Variants in ADGRB3 observed in about 807,000 individuals in gnomAD.
ADGRB3 encodes adhesion G protein-coupled receptor B3, also known as brain-specific angiogenesis inhibitor 3.
Under a neutral mutation model 193.4 loss-of-function variants are expected in ADGRB3, and 37 were observed. The ratio of observed to expected loss-of-function variants is 0.19; its 90% CI spans 0.15 to 0.25. The LOEUF (loss-of-function observed/expected upper bound fraction) is 0.25, where lower values mean the gene tolerates loss of function less well. Among genes scored for constraint, ADGRB3 ranks in the 10% least tolerant of loss-of-function variants. The pLI is 1.00. For synonymous variants in ADGRB3, 690 were observed against 644.2 expected (o/e 1.07, Z -1.08); for missense variants, 1,637 against 1,852.9 (o/e 0.88, Z 2.14).
chr6:69,241,719 A>C (rs956258438), intron 20 of ADGRB3, among the ~76,000 whole-genome samples: 38 of 152,050 alleles, frequency 2.5e-4, no homozygotes, highest in African/African-American at 8.9e-4. Flanking sequence ...TATGAGTTTG[A>C]TGTAGCTTCT....
rs996709090 is a variant in ADGRB3, at chr6:69,065,735, A to G, written c.2436+2699A>G. On this transcript the variant is annotated intron_variant, in intron 16 of 31. Transcript: ENST00000370598. Reference sequence around the variant, plus strand: ...TTAAATATGCAGACTGAAATTTATTAGAACAAGCCTGAACTTCATGTATAT... The same window carrying G: ...TTAAATATGCAGACTGAAATTTATTGGAACAAGCCTGAACTTCATGTATAT... Among the ~76,000 whole-genome samples, 6 of 148,178 alleles carry G rather than the reference A, an allele frequency of 4.0e-5. No individual in the cohort carries two copies. The Admixed American group carries it at 4.2e-4, about 10-fold the overall frequency.
intron 3 of ADGRB3, among the ~76,000 whole-genome samples, chr6:68,799,226 C>T (rs1767268172): frequency 1.3e-5 from 2 of 152,076 alleles, no homozygotes; most frequent in Non-Finnish European, 2.9e-5. Flanking sequence ...AACAACATTA[C>T]ACTGTAACAG....
intron 13 of ADGRB3, among the ~76,000 whole-genome samples, chr6:69,019,457 A>G (rs746768650): frequency 6.6e-6 from 1 of 151,944 alleles, no homozygotes; most frequent in African/African-American, 2.4e-5. Context: ...TTTTATGATT[A>G]AGGCTGTTGG....
chr6:69,031,895 G>C (rs1006095730), intron 13 of ADGRB3, among the ~76,000 whole-genome samples: 1 of 152,050 alleles, frequency 6.6e-6, no homozygotes, highest in Non-Finnish European at 1.5e-5. Flanking sequence ...GCCTCCAAAA[G>C]TGTTGGGATT....
intron 20 of ADGRB3, among the ~76,000 whole-genome samples, chr6:69,265,124 AATC>A (rs1767011799): frequency 6.6e-6 from 1 of 151,958 alleles, no homozygotes; most frequent in African/African-American, 2.4e-5. Flanking sequence ...TGCTCATCAG[AATC>A]GCCCATAGAG....
In ADGRB3 at chr6:69,214,960, A is replaced by G. The variant is rs187103516; in HGVS notation, c.2481-18330A>G. Among the ~76,000 whole-genome samples the G allele has an allele frequency of 2.6e-3, 400 of 152,262 alleles. 1 individual carries two copies. Among genetic ancestry groups the G allele is most frequent in the Non-Finnish European group, 4.6e-3 (313 of 68,008 alleles). On this transcript the variant is annotated intron_variant, in intron 17 of 31. Coordinates refer to ENST00000370598, the MANE Select transcript of ADGRB3 (RefSeq NM_001704.3). Reference sequence around the variant, plus strand: ...CGCATAGCATATACTTCCTGATACGATATTCCAAGAAAGGCAAAACATCAC... The same window carrying G: ...CGCATAGCATATACTTCCTGATACGGTATTCCAAGAAAGGCAAAACATCAC...
intron 20 of ADGRB3, among the ~76,000 whole-genome samples, chr6:69,260,801 G>T (rs1350531658): frequency 6.6e-6 from 1 of 151,970 alleles, no homozygotes; most frequent in Non-Finnish European, 1.5e-5. Flanking sequence ...ATTAGCATTT[G>T]CCATTGTAGT....
intron 3 of ADGRB3, among the ~76,000 whole-genome samples, chr6:68,776,374 T>G (rs1415617954): frequency 2.0e-5 from 3 of 152,186 alleles, no homozygotes; most frequent in African/African-American, 7.2e-5. Context: ...GAATAAAGTT[T>G]CATATGCCTT....
At chr6:68,657,632 A>G (rs1768522744) in intron 3 of ADGRB3, among the ~76,000 whole-genome samples, 1 of 151,334 alleles carries the variant, frequency 6.6e-6, no homozygotes, top group Admixed American at 6.6e-5. Flanking sequence ...TAAACTAAAC[A>G]TTTTCCTATT....
chr6:68,780,693 T>G (rs1485337898), intron 3 of ADGRB3, among the ~76,000 whole-genome samples: 1 of 152,156 alleles, frequency 6.6e-6, no homozygotes, highest in Non-Finnish European at 1.5e-5. Context: ...AGGGTTTTTT[T>G]TAACTTTTTA....
chr6:69,083,968 T>C (rs1019198201), intron 17 of ADGRB3, among the ~76,000 whole-genome samples: 1 of 152,056 alleles, frequency 6.6e-6, no homozygotes, highest in Non-Finnish European at 1.5e-5. Context: ...ATAGACGCAG[T>C]TTCACCATGT....
At chr6:68,946,110 T>G (rs940861523) in intron 6 of ADGRB3, among the ~76,000 whole-genome samples, 12 of 152,172 alleles carry the variant, frequency 7.9e-5, no homozygotes, top group Non-Finnish European at 1.8e-4. Context: ...TTCTTGAATT[T>G]AGTTGCATCA....
At chr6:69,219,461 G>GTATATA (rs3839475) in intron 17 of ADGRB3, among the ~76,000 whole-genome samples, 3,962 of 98,582 alleles carry the variant, frequency 0.04, 243 homozygotes, top group East Asian at 0.071. Context: ...ACACACACAC[G>GTATATA]TATATATATA....
intron 20 of ADGRB3, among the ~76,000 whole-genome samples, chr6:69,290,813 T>A (rs1767650728): frequency 6.6e-6 from 1 of 152,174 alleles, no homozygotes; most frequent in South Asian, 2.1e-4. Flanking sequence ...TTTTTAAAGA[T>A]ATGTTAGTGT....
chr6:68,769,572 A>G (rs1766576111), intron 3 of ADGRB3, among the ~76,000 whole-genome samples: 1 of 152,124 alleles, frequency 6.6e-6, no homozygotes, highest in Admixed American at 6.6e-5. Flanking sequence ...TAACATTAGG[A>G]GAAATACCTA....
chr6:69,350,406 C>T (rs908262753), intron 26 of ADGRB3, among the ~76,000 whole-genome samples: 1 of 151,802 alleles, frequency 6.6e-6, no homozygotes, highest in Non-Finnish European at 1.5e-5. Context: ...ATATTTGACC[C>T]TCTGCCTATC....
At chr6:69,273,286 T>C (rs983133574) in intron 20 of ADGRB3, among the ~76,000 whole-genome samples, 3 of 152,158 alleles carry the variant, frequency 2.0e-5, no homozygotes, top group African/African-American at 7.2e-5. Flanking sequence ...AAGTTTACTG[T>C]TTGCAAATGG....
intron 13 of ADGRB3, among the ~76,000 whole-genome samples, chr6:69,042,737 T>A (rs867207349): frequency 6.6e-6 from 1 of 152,332 alleles, no homozygotes; most frequent in African/African-American, 2.4e-5. Flanking sequence ...CACAAGCAAT[T>A]CCATTTTGAT....
intron 20 of ADGRB3, among the ~76,000 whole-genome samples, chr6:69,296,442 C>T (rs1767819582): frequency 6.6e-6 from 1 of 152,058 alleles, no homozygotes; most frequent in African/African-American, 2.4e-5. Context: ...CGGGACATGG[C>T]AATATTTTTC....
Sources: allele counts gnomAD v4.1 joint callset (sites outside exome capture counted in the v4.1 genomes callset), GRCh38; gene constraint gnomAD v4.1.1; transcripts MANE v1.5; gene names NCBI Gene and HGNC (gene_info 2026-07-23, HGNC 2026-07-21).